LPP: variants seen among roughly 807,000 people sequenced by gnomAD.
LPP encodes the protein lipoma-preferred partner.
LPP carries 38 observed loss-of-function variants against 60.4 expected under a neutral mutation model. The observed-to-expected ratio is 0.63, with a 90% confidence interval of 0.49 to 0.83. LPP has a LOEUF of 0.83. Ranked by LOEUF, LPP falls within the 40% of genes least tolerant of loss-of-function variation. The probability of loss-of-function intolerance (pLI) is 0.00; values close to 1 mark genes in which losing one functional copy is unlikely to be tolerated. For synonymous variants in LPP, 328 were observed against 290.8 expected (o/e 1.13, Z -1.30); for missense variants, 902 against 783.6 (o/e 1.15, Z -1.80).
At chr3:188,414,260 C>G (rs147723017) in intron 4 of LPP, among the ~76,000 whole-genome samples, 5,677 of 152,058 alleles carry the variant, frequency 0.037, 152 homozygotes, top group Non-Finnish European at 0.061. Context: ...TTAAGTAACT[C>G]TAATCCAAAA....
intron 9 of LPP, among the ~76,000 whole-genome samples, chr3:188,833,987 T>C (rs987318901): frequency 2.6e-5 from 4 of 152,190 alleles, no homozygotes; most frequent in Non-Finnish European, 4.4e-5. Flanking sequence ...TAAGTTTATT[T>C]TGCCTGCTTC....
intron 7 of LPP, among the ~76,000 whole-genome samples, chr3:188,699,011 A>G (rs1207280787): frequency 2.6e-5 from 4 of 152,234 alleles, no homozygotes; most frequent in Non-Finnish European, 4.4e-5. Flanking sequence ...GAAGAAAATC[A>G]TCTTTGTTAG....
intron 9 of LPP, among the ~76,000 whole-genome samples, chr3:188,822,217 G>A (rs1231103802): frequency 2.0e-5 from 3 of 151,946 alleles, no homozygotes; most frequent in Admixed American, 1.3e-4. Flanking sequence ...AAATGATGAC[G>A]GGGCTCTTTG....
intron 9 of LPP, among the ~76,000 whole-genome samples, chr3:188,807,457 T>C (rs1219054848): frequency 2.6e-5 from 4 of 152,030 alleles, no homozygotes; most frequent in Non-Finnish European, 5.9e-5. Flanking sequence ...TTTGTTTTGG[T>C]GGTTTGTTGC....
intron 1 of LPP, among the ~76,000 whole-genome samples, chr3:188,194,539 C>A (rs1043722637): frequency 6.6e-6 from 1 of 152,146 alleles, no homozygotes; most frequent in African/African-American, 2.4e-5. Flanking sequence ...AACCTCAGTG[C>A]GATGACTCAG....
chr3:188,681,598 A>G (rs1859529118), intron 7 of LPP, among the ~76,000 whole-genome samples: 1 of 152,158 alleles, frequency 6.6e-6, no homozygotes, highest in South Asian at 2.1e-4. Context: ...CCCTTAAGAA[A>G]CTACACCATG....
Position 188,677,983 on chromosome 3 carries a change from G to T in LPP, c.1114-30284G>T, listed in dbSNP as rs187923369. Reference sequence around the variant, plus strand: ...TGGAATAGCCCAAACATGGTCCCAGGGTGGTCTTGCTTCTGACTTATGTGG... The same window carrying T: ...TGGAATAGCCCAAACATGGTCCCAGTGTGGTCTTGCTTCTGACTTATGTGG... On this transcript the variant is annotated intron_variant, in intron 7 of 11. Transcript: ENST00000617246. Among the ~76,000 whole-genome samples the T allele has an allele frequency of 1.3e-3, 193 of 152,104 alleles. 1 individual carries two copies. The highest frequency in any genetic ancestry group is 2.2e-3 in the Non-Finnish European group (152 of 67,998).
At chr3:188,637,439 T>C (rs2148676264) in intron 7 of LPP, among the ~76,000 whole-genome samples, 1 of 150,898 alleles carries the variant, frequency 6.6e-6, no homozygotes, top group South Asian at 2.1e-4. Flanking sequence ...CACCCTAACA[T>C]CACAATTAAA....
intron 8 of LPP, among the ~76,000 whole-genome samples, chr3:188,755,135 G>A (rs758370352): frequency 3.9e-5 from 6 of 152,150 alleles, no homozygotes; most frequent in Non-Finnish European, 7.4e-5. Context: ...GGCATATAGA[G>A]CTTCAGTTCA....
Position 188,441,609 on chromosome 3 carries a change from C to CTTTCTTTTTTT in LPP, c.193+35299_193+35300insCTTTTTTTTTT, listed in dbSNP as rs1793886236. 7.9e-4 allele frequency among the ~76,000 whole-genome samples: 44 copies of CTTTCTTTTTTT among 55,648 alleles called. 1 individual carries two copies. The highest frequency in any genetic ancestry group is 1.9e-3 in the East Asian group (3 of 1,548). The allele number at this position is 55,648 out of a possible 152,430, so 36.5% of individuals were successfully genotyped here. ...ACAGTTTCTTTTTTTCTTTTCTTTTCTTTTTTTTTTTTTTTTTTTTTTTTT... is the reference window on the plus strand; with the variant it reads ...ACAGTTTCTTTTTTTCTTTTCTTTTCTTTCTTTTTTTTTTTTTTTTTTTTTTTTTTTTTTTT... On this transcript the variant is annotated intron_variant, in intron 4 of 11. Transcript: ENST00000617246.
chr3:188,648,431 T>A (rs1263807552), intron 7 of LPP, among the ~76,000 whole-genome samples: 2 of 152,158 alleles, frequency 1.3e-5, no homozygotes, highest in African/African-American at 2.4e-5. Context: ...AACTGGCTTA[T>A]GAGGTTTCCA....
intron 1 of LPP, among the ~76,000 whole-genome samples, chr3:188,212,167 T>A (rs915518809): frequency 6.6e-6 from 1 of 151,890 alleles, no homozygotes; most frequent in African/African-American, 2.4e-5. Context: ...CCGAGAGGAG[T>A]TGTTTTGAGA....
chr3:188,310,253 G>A (rs1475033888), intron 2 of LPP, among the ~76,000 whole-genome samples: 11 of 149,490 alleles, frequency 7.4e-5, no homozygotes, highest in Non-Finnish European at 8.9e-5. Flanking sequence ...GAAGACTGAC[G>A]AAGTTGGCCT....
intron 1 of LPP, among the ~76,000 whole-genome samples, chr3:188,175,494 A>G (rs996098244): frequency 2.0e-5 from 3 of 152,212 alleles, no homozygotes; most frequent in African/African-American, 7.2e-5. Context: ...TTCAGCAGTA[A>G]ACAGTCCATT....
At chr3:188,830,249 G>A (rs569252062) in intron 9 of LPP, among the ~76,000 whole-genome samples, 187 of 150,964 alleles carry the variant, frequency 1.2e-3, no homozygotes, top group Middle Eastern at 0.01. Context: ...TATAGAATGC[G>A]GAAACTCATT....
chr3:188,529,061 T>A (rs1275098541), intron 6 of LPP, among the ~76,000 whole-genome samples: 1 of 152,206 alleles, frequency 6.6e-6, no homozygotes, highest in African/African-American at 2.4e-5. Flanking sequence ...ATTACTATGA[T>A]TTAACAAAGC....
chr3:188,574,233 C>T (rs1834119580), intron 6 of LPP, among the ~76,000 whole-genome samples: 1 of 152,190 alleles, frequency 6.6e-6, no homozygotes, highest in African/African-American at 2.4e-5. Flanking sequence ...TAATAACCGT[C>T]TGGGTGACTC....
At chr3:188,203,566 AATATATATTTAAATAT>A (rs1406136549) in intron 1 of LPP, among the ~76,000 whole-genome samples, 4 of 97,196 alleles carry the variant, frequency 4.1e-5, no homozygotes, top group African/African-American at 1.7e-4. Context: ...AATATATATA[AATATATATTTAAATAT>A]ATATATATTT....
At chr3:188,560,535 T>G (rs1427769298) in intron 6 of LPP, among the ~76,000 whole-genome samples, 1 of 152,142 alleles carries the variant, frequency 6.6e-6, no homozygotes, top group Non-Finnish European at 1.5e-5. Flanking sequence ...AACCTACTCT[T>G]TGACCCATGC....
Sources: gnomAD v4.1 joint callset for allele counts (sites outside exome capture counted in the v4.1 genomes callset) on GRCh38, gnomAD v4.1.1 for gene constraint, MANE v1.5 for transcripts, NCBI Gene and HGNC (gene_info 2026-07-23, HGNC 2026-07-21) for gene names.